The following OXNAD1 variants were observed in gnomAD, a reference collection of about 807,000 sequenced individuals.
The protein encoded by OXNAD1 is oxidoreductase NAD binding domain containing 1.
In OXNAD1, 34 loss-of-function variants were observed where a neutral mutation model predicts 32.9. That is an observed-to-expected ratio of 1.03 (90% CI 0.79 to 1.38). The LOEUF is 1.38. OXNAD1 is among the 40% of genes most tolerant of loss of function. The probability of loss-of-function intolerance (pLI) is 0.00; values close to 1 mark genes in which losing one functional copy is unlikely to be tolerated. For missense variants in OXNAD1, 407 were observed against 379.4 expected, an observed-to-expected ratio of 1.07 and a Z score of -0.60; for synonymous variants, 134 against 135.2, an observed-to-expected ratio of 0.99 and a Z score of 0.06.
In OXNAD1 at chr3:16,271,035, T is replaced by G; in HGVS notation, c.83T>G (p.Leu28Trp). The G allele has an allele frequency of 2.5e-6, 4 of 1,614,206 alleles. No homozygotes were observed. The highest frequency in any genetic ancestry group is 3.4e-6 in the Non-Finnish European group (4 of 1,180,024). Residue 28 changes from leucine (L) to tryptophan (W), a missense_variant, in exon 3 of 9, where the codon TTG becomes TGG. Leu to Trp is a moderately conservative substitution (Grantham distance 61). Transcript: ENST00000285083. The surrounding 1 kb of genome is among the most constrained non-coding windows in gnomAD (Gnocchi z 4.6). The part of the protein sequence containing the change: ...AIRIEAASLR[L>W]TLSTLRHLTL... ...CGTATTGAGGCTGCGTCACTGAGATTGACACTCAGCACTTTGCGCCACCTT... is the reference window on the plus strand; with the variant it reads ...CGTATTGAGGCTGCGTCACTGAGATGGACACTCAGCACTTTGCGCCACCTT...
chr3:16,295,663 T>C (rs764763628), intron 6 of OXNAD1, among the ~76,000 whole-genome samples: 6 of 152,230 alleles, frequency 3.9e-5, no homozygotes, highest in South Asian at 2.1e-4. Context: ...TTTTCACTTA[T>C]TGCTTTTTCT....
At chr3:16,272,516 A>G (rs1343738413) in intron 4 of OXNAD1, among the ~76,000 whole-genome samples, 1 of 152,200 alleles carries the variant, frequency 6.6e-6, no homozygotes, top group Non-Finnish European at 1.5e-5. Flanking sequence ...TCTCATTTAA[A>G]TTTATCTATT....
downstream of OXNAD1, among the ~76,000 whole-genome samples, chr3:16,307,741 T>TC (rs2067663458): frequency 9.4e-5 from 2 of 21,284 alleles, no homozygotes; most frequent in African/African-American, 1.2e-3. Flanking sequence ...TTTAAACTTT[T>TC]TGTTTTGAAG....
chr3:16,272,268 C>A (rs1208135890), intron 4 of OXNAD1: 12 of 403,954 alleles, frequency 3.0e-5, no homozygotes, highest in Non-Finnish European at 4.8e-5. Flanking sequence ...GCTAATCTAC[C>A]ACCTGAAGGG....
chr3:16,269,253 C>T lies in OXNAD1; in HGVS notation c.-31C>T. ...CAGCTGACCATATACTTAATGACTC[C>T]TAAAATCTCGTGGACTTCTAAGGTA... On this transcript the variant is annotated 5_prime_UTR_variant, in exon 2 of 9. Coordinates refer to ENST00000285083, the MANE Select transcript of OXNAD1 (RefSeq NM_138381.5). 6.5e-7 allele frequency: 1 copy of T among 1,535,410 alleles called. No homozygotes were observed. Among genetic ancestry groups the T allele is most frequent in the Non-Finnish European group, 8.7e-7 (1 of 1,146,778 alleles).
At chr3:16,267,192 A>G (rs2064583432) in intron 1 of OXNAD1, among the ~76,000 whole-genome samples, 1 of 152,174 alleles carries the variant, frequency 6.6e-6, no homozygotes, top group Non-Finnish European at 1.5e-5. Context: ...AATATATGTC[A>G]TGTTCATCTA....
intron 9 of OXNAD1, among the ~76,000 whole-genome samples, chr3:16,324,945 T>C (rs2069546076): frequency 6.6e-6 from 1 of 152,064 alleles, no homozygotes; most frequent in African/African-American, 2.4e-5. Flanking sequence ...CCACCAAGAG[T>C]GTACAAGGGT....
downstream of OXNAD1, among the ~76,000 whole-genome samples, chr3:16,337,681 G>A (rs1268860300): frequency 3.3e-5 from 5 of 149,760 alleles, no homozygotes; most frequent in African/African-American, 1.2e-4. The surrounding 1 kb of genome is among the most constrained non-coding windows in gnomAD (Gnocchi z 5.0). Flanking sequence ...GGCGGAGGTT[G>A]CAGTGAGCCC....
chr3:16,285,011 T>C (rs955164652), intron 4 of OXNAD1, among the ~76,000 whole-genome samples: 1 of 151,968 alleles, frequency 6.6e-6, no homozygotes, highest in Non-Finnish European at 1.5e-5. Context: ...TCTGAGAGAG[T>C]AGGCAGGACT....
At position 16,316,154 on chromosome 3, in the gene OXNAD1, T is replaced by C. The variant is rs1380099687; in HGVS notation, c.*30+12562T>C. 1 of 153,004 alleles carries C rather than the reference T, an allele frequency of 6.5e-6. No homozygotes were observed. Among genetic ancestry groups the C allele is most frequent in the Non-Finnish European group, 1.5e-5 (1 of 68,356 alleles). The allele number at this position is 153,004 out of a possible 1,614,324, so 9.5% of individuals were successfully genotyped here. A position where few individuals can be genotyped will look rare whatever the true frequency, so the allele number is the denominator to read the frequency against. On this transcript the variant is annotated intron_variant, in intron 9 of 9. Transcript: ENST00000435829. The surrounding 1 kb of genome is among the most constrained non-coding windows in gnomAD (Gnocchi z 4.5). ...GAGTACAAAACCTTTAAAAACAACT[T>C]TTTGGCATTAATACTAACACAGAAT...
At position 16,317,001 on chromosome 3, in the gene OXNAD1, G is replaced by A. The variant is rs1463131783; in HGVS notation, c.*30+13409G>A. ...CCCACCCCACACAGCAGGCCACCAGGGGACAGCTGTTCTCCCTTGTCCTCT... is the reference window on the plus strand; with the variant it reads ...CCCACCCCACACAGCAGGCCACCAGAGGACAGCTGTTCTCCCTTGTCCTCT... On this transcript the variant is annotated intron_variant, in intron 9 of 9. Transcript: ENST00000435829. This position sits in a 1 kb window ranked among gnomAD's most constrained non-coding sequence, Gnocchi z 4.3. 3.1e-6 allele frequency: 5 copies of A among 1,613,374 alleles called. No individual in the cohort carries two copies. The highest frequency in any genetic ancestry group is 4.2e-6 in the Non-Finnish European group (5 of 1,179,830).
Position 16,284,310 on chromosome 3 carries a change from T to A in OXNAD1, c.184-2032T>A, listed in dbSNP as rs368241703. Reference sequence around the variant, plus strand: ...ATTAATTTTAATTAAGACAATGAAATACAGTCATGTGTTGCCTGCTGACGG... The same window carrying A: ...ATTAATTTTAATTAAGACAATGAAAAACAGTCATGTGTTGCCTGCTGACGG... On this transcript the variant is annotated intron_variant, in intron 4 of 8. Transcript: ENST00000285083. This position sits in a 1 kb window ranked among gnomAD's most constrained non-coding sequence, Gnocchi z 4.1. Among the ~76,000 whole-genome samples the A allele has an allele frequency of 6.6e-6, 1 of 152,222 alleles. No individual in the cohort carries two copies. The highest frequency in any genetic ancestry group is 1.9e-4 in the East Asian group (1 of 5,202).
Position 16,336,826 on chromosome 3 carries a change from C to T in OXNAD1, c.*31-286C>T, listed in dbSNP as rs893313085. 3.3e-5 allele frequency among the ~76,000 whole-genome samples: 5 copies of T among 152,144 alleles called. No homozygotes were observed. Among genetic ancestry groups the T allele is most frequent in the African/African-American group, 1.2e-4 (5 of 41,424 alleles). On this transcript the variant is annotated intron_variant, in intron 9 of 9. Coordinates refer to the OXNAD1 transcript ENST00000435829. The surrounding 1 kb of genome is among the most constrained non-coding windows in gnomAD (Gnocchi z 6.0). ...TCTACCAGGTAAGAAAGGCAGCAAA[C>T]TCAGTAGCCTTTTAGGAGCTCAACG...
chr3:16,311,206 T>A (rs1364534834), intron 9 of OXNAD1, among the ~76,000 whole-genome samples: 1 of 26 alleles, frequency 0.038, no homozygotes, highest in Non-Finnish European at 0.071. Context: ...TTTTATATAT[T>A]TTTTTCAAAC....
chr3:16,299,272 T>C lies in OXNAD1; in HGVS notation c.433-2354T>C, dbSNP rs2067014311. Among the ~76,000 whole-genome samples, 1 of 152,236 alleles carries C rather than the reference T, an allele frequency of 6.6e-6. No homozygotes were observed. Among genetic ancestry groups the C allele is most frequent in the Non-Finnish European group, 1.5e-5 (1 of 68,040 alleles). On this transcript the variant is annotated intron_variant, in intron 6 of 8. Coordinates refer to ENST00000285083, the MANE Select transcript of OXNAD1 (RefSeq NM_138381.5). The surrounding 1 kb of genome is among the most constrained non-coding windows in gnomAD (Gnocchi z 4.4). ...AGGATATAGGAGATGAAATTCATTG[T>C]CATCGTTAGGCAGAGCCTCTTGTAT...
intron 5 of OXNAD1, among the ~76,000 whole-genome samples, chr3:16,291,897 G>T (rs1337280303): frequency 1.3e-5 from 2 of 152,144 alleles, no homozygotes; most frequent in Non-Finnish European, 2.9e-5. Context: ...TAACACTATT[G>T]TTTGTCTCTT....
Position 16,301,363 on chromosome 3 carries a change from A to T in OXNAD1, c.433-263A>T, listed in dbSNP as rs2067168597. On this transcript the variant is annotated intron_variant, in intron 6 of 8. Transcript: ENST00000285083. This position sits in a 1 kb window ranked among gnomAD's most constrained non-coding sequence, Gnocchi z 4.1. ...CAGTTCATCGCCTAAGAAGTTAACAAATGGTGAAATCACTGAAGCACATCT... is the reference window on the plus strand; with the variant it reads ...CAGTTCATCGCCTAAGAAGTTAACATATGGTGAAATCACTGAAGCACATCT... 6.6e-6 allele frequency among the ~76,000 whole-genome samples: 1 copy of T among 152,196 alleles called. No individual in the cohort carries two copies. Among genetic ancestry groups the T allele is most frequent in the South Asian group, 2.1e-4 (1 of 4,830 alleles).
At chr3:16,333,798 AAG>A (rs2070570088) in intron 9 of OXNAD1, among the ~76,000 whole-genome samples, 1 of 152,234 alleles carries the variant, frequency 6.6e-6, no homozygotes, top group Non-Finnish European at 1.5e-5. Flanking sequence ...CAAAGATATG[AAG>A]AGAGATCACA....
chr3:16,308,980 T>C (rs2067766548), downstream of OXNAD1, among the ~76,000 whole-genome samples: 1 of 152,210 alleles, frequency 6.6e-6, no homozygotes, highest in African/African-American at 2.4e-5. The surrounding 1 kb of genome is among the most constrained non-coding windows in gnomAD (Gnocchi z 4.4). Flanking sequence ...AATAAAATTA[T>C]ATAGATTAAA....
Sources: gnomAD v4.1 joint callset for allele counts (sites outside exome capture counted in the v4.1 genomes callset) on GRCh38, gnomAD v4.1.1 for gene constraint, Gnocchi (gnomAD v3.1) non-coding constraint, MANE v1.5 for transcripts, NCBI Gene and HGNC (gene_info 2026-07-23, HGNC 2026-07-21) for gene names.